TAMM41: variants seen among roughly 807,000 people sequenced by gnomAD.
The protein encoded by TAMM41 is TAM41 mitochondrial translocator assembly and maintenance homolog.
A neutral mutation model predicts 44.1 loss-of-function variants in TAMM41; 36 were observed. The observed-to-expected ratio is 0.82, with a 90% CI of 0.63 to 1.08. The LOEUF is 1.08. Among genes scored for constraint, TAMM41 ranks in the 50% least tolerant of loss-of-function variants. The pLI is 0.00. For missense variants in TAMM41, 417 were observed against 404.3 expected, an observed-to-expected ratio of 1.03 and a Z score of -0.27; for synonymous variants, 164 against 153.1, an observed-to-expected ratio of 1.07 and a Z score of -0.53.
chr3:11,732,124 C>T, the TAMM41 span, among the ~76,000 whole-genome samples: 1,339 of 152,304 alleles, frequency 8.8e-3, 18 homozygotes, highest in African/African-American at 0.031. Context: ...GCCTTGACCT[C>T]CCAAGGTGCT....
At chr3:11,758,673 T>C in the TAMM41 span, among the ~76,000 whole-genome samples, 1 of 151,406 alleles carries the variant, frequency 6.6e-6, no homozygotes, top group South Asian at 2.1e-4. Context: ...TTTTAGTTTT[T>C]AATTCTGTTT....
At position 11,817,299 on chromosome 3, in the gene TAMM41, C is replaced by A; in HGVS notation, c.601G>T (p.Val201Leu). The A allele has an allele frequency of 1.2e-6, 2 of 1,612,382 alleles. No homozygotes were observed. The highest frequency in any genetic ancestry group is 1.7e-6 in the Non-Finnish European group (2 of 1,178,542). Residue 201 changes from valine (V) to leucine (L), a missense_variant, in exon 5 of 8, where the codon GTG becomes TTG. Coordinates refer to ENST00000455809, the MANE Select transcript of TAMM41 (RefSeq NM_001284401.2). The stretch of plus-strand genomic sequence containing the variant: ...ATATTGGGCTTCACAATATTCAACA[C>A]TTTTGTTTTATCTTCTCCAACCACC... ...RMVVGEDKTK[V>L]LNIVKPNIAH...
intron 7 of TAMM41, chr3:11,807,426 A>C (rs1172675888): frequency 1.3e-6 from 2 of 1,530,238 alleles, no homozygotes; most frequent in Admixed American, 4.0e-5. Context: ...ATTTAGAGAA[A>C]TGGCAGTAAC....
At chr3:11,835,254 G>C (rs533384934) in intron 3 of TAMM41, among the ~76,000 whole-genome samples, 4 of 152,122 alleles carry the variant, frequency 2.6e-5, no homozygotes, top group South Asian at 2.1e-4. Context: ...CAGATAGTTT[G>C]TTTAAAAATC....
At chr3:11,817,688 A>G (rs1346078144) in intron 4 of TAMM41, among the ~76,000 whole-genome samples, 1 of 152,172 alleles carries the variant, frequency 6.6e-6, no homozygotes, top group African/African-American at 2.4e-5. Context: ...CCTGTGGCCA[A>G]TGAAGGAGAT....
the TAMM41 span, among the ~76,000 whole-genome samples, chr3:11,772,237 A>AT: frequency 0.25 from 34,624 of 136,332 alleles, 6,254 homozygotes; most frequent in East Asian, 0.83. Context: ...CAGCTGGCTA[A>AT]TTTTTTTTTT....
Position 11,807,404 on chromosome 3 carries a change from C to T in TAMM41, c.937+429G>A, listed in dbSNP as rs114377712. 2,606 of 1,526,918 alleles carry T rather than the reference C, an allele frequency of 1.7e-3. 42 individuals are homozygous for T. In the African/African-American group the frequency reaches 0.032, roughly 19 times the overall value. The allele number at this position is 1,526,918 out of a possible 1,614,324, so 94.6% of individuals were successfully genotyped here. On this transcript the variant is annotated intron_variant, in intron 7 of 7. Coordinates refer to ENST00000455809, the MANE Select transcript of TAMM41 (RefSeq NM_001284401.2). ...AAGTTGAAACGTAGAGAAGGAGCAA[C>T]GAAAACTTACCATTTAGAGAAATGG...
downstream of TAMM41, among the ~76,000 whole-genome samples, chr3:11,786,286 T>TTTATTATTATTATTA (rs60089566): frequency 5.9e-3 from 821 of 138,840 alleles, 10 homozygotes; most frequent in Middle Eastern, 0.018. Context: ...TTTATTTAAT[T>TTTATTATTATTATTA]TTATTATTAT....
At chr3:11,734,773 C>T in the TAMM41 span, among the ~76,000 whole-genome samples, 5 of 151,564 alleles carry the variant, frequency 3.3e-5, no homozygotes, top group East Asian at 3.9e-4. Context: ...CGGTGGCTCA[C>T]GCCTGTAATC....
At chr3:11,799,609 T>C (rs552461403) in intron 7 of TAMM41, among the ~76,000 whole-genome samples, 1 of 152,326 alleles carries the variant, frequency 6.6e-6, no homozygotes, top group East Asian at 1.9e-4. Flanking sequence ...CAATGTGGCA[T>C]CATTAGAAGT....
At chr3:11,781,186 T>C in the TAMM41 span, among the ~76,000 whole-genome samples, 2 of 152,210 alleles carry the variant, frequency 1.3e-5, no homozygotes, top group Non-Finnish European at 2.9e-5. Context: ...CCTGGAATTT[T>C]AGGGACTTTC....
intron 3 of TAMM41, among the ~76,000 whole-genome samples, chr3:11,835,006 T>C (rs1307291252): frequency 6.6e-6 from 1 of 152,214 alleles, no homozygotes; most frequent in South Asian, 2.1e-4. Context: ...TTTTAAAGAC[T>C]TGAATTACTA....
At chr3:11,737,311 T>G in the TAMM41 span, among the ~76,000 whole-genome samples, 11 of 136,116 alleles carry the variant, frequency 8.1e-5, no homozygotes, top group Admixed American at 1.4e-4. Flanking sequence ...TTATTATTAT[T>G]ATTATTATTA....
chr3:11,747,873 AT>A, the TAMM41 span, among the ~76,000 whole-genome samples: 1 of 38,104 alleles, frequency 2.6e-5, no homozygotes, highest in Non-Finnish European at 4.7e-5. Flanking sequence ...TTTACTATTT[AT>A]TTATTTATTT....
chr3:11,787,024 G>A (rs1032363013), downstream of TAMM41, among the ~76,000 whole-genome samples: 22 of 152,168 alleles, frequency 1.4e-4, no homozygotes, highest in Non-Finnish European at 3.1e-4. Context: ...GCTGGGGCTG[G>A]AGTTAAAGGC....
intron 2 of TAMM41, 35 bp downstream of exon 2, chr3:11,843,994 C>T (rs1454760749): frequency 6.3e-7 from 1 of 1,599,346 alleles, no homozygotes; most frequent in Non-Finnish European, 8.5e-7. Flanking sequence ...GGTAAATAAC[C>T]AGCCAAGTTA....
the TAMM41 span, among the ~76,000 whole-genome samples, chr3:11,723,486 T>G: frequency 6.6e-6 from 1 of 150,498 alleles, no homozygotes. Context: ...GAGGCTGACA[T>G]GGTAGGATCA....
At chr3:11,783,233 G>A in the TAMM41 span, among the ~76,000 whole-genome samples, 6 of 151,386 alleles carry the variant, frequency 4.0e-5, no homozygotes, top group Non-Finnish European at 8.8e-5. Flanking sequence ...TGCATTTATG[G>A]TTTTGCCAAA....
At chr3:11,721,910 C>T in the TAMM41 span, 9 of 152,208 alleles carry the variant, frequency 5.9e-5, no homozygotes, top group African/African-American at 2.2e-4. Context: ...TCTCTTCTGA[C>T]TTAAATCCAG....
Sources: gnomAD v4.1 joint callset for allele counts (sites outside exome capture counted in the v4.1 genomes callset) on GRCh38, gnomAD v4.1.1 for gene constraint, MANE v1.5 for transcripts, NCBI Gene and HGNC (gene_info 2026-07-23, HGNC 2026-07-21) for gene names.